MED13: variants seen among roughly 807,000 people sequenced by gnomAD.
The protein encoded by MED13 is mediator complex subunit 13.
MED13 carries 23 observed loss-of-function variants against 225.2 expected under a neutral mutation model. The observed-to-expected ratio is 0.10, with a 90% CI of 0.07 to 0.14. The LOEUF (loss-of-function observed/expected upper bound fraction) is 0.14, where lower values mean the gene tolerates loss of function less well. Among genes scored for constraint, MED13 ranks in the 10% least tolerant of loss-of-function variants. MED13 has a pLI of 1.00. For synonymous variants in MED13, 942 were observed against 889.2 expected, an observed-to-expected ratio of 1.06 and a Z score of -1.06; for missense variants, 2,197 against 2,594.5, an observed-to-expected ratio of 0.85 and a Z score of 3.33.
At chr17:62,004,949 G>C (rs1567971804) in intron 9 of MED13, 2 of 150,516 alleles carry the variant, frequency 1.3e-5, no homozygotes, top group East Asian at 3.9e-4. Context: ...GCCCAGGCTG[G>C]AGTGCAGTGG....
chr17:61,952,479 A>C (rs1259065501), intron 27 of MED13, among the ~76,000 whole-genome samples: 1 of 152,052 alleles, frequency 6.6e-6, no homozygotes, highest in Non-Finnish European at 1.5e-5. Context: ...CAAAAACTAC[A>C]AAAAAATGAC....
At chr17:62,048,993 A>C (rs1176266261) in intron 3 of MED13, among the ~76,000 whole-genome samples, 2 of 151,418 alleles carry the variant, frequency 1.3e-5, no homozygotes, top group Non-Finnish European at 2.9e-5. Flanking sequence ...CAGAATTCCA[A>C]CACAGAGGAT....
At chr17:61,980,560 A>G (rs923908774) in intron 16 of MED13, among the ~76,000 whole-genome samples, 5 of 152,178 alleles carry the variant, frequency 3.3e-5, no homozygotes, top group Non-Finnish European at 5.9e-5. Flanking sequence ...ATCTTTCCTT[A>G]CACGTCTTTT....
At chr17:62,015,705 C>T (rs1603402697) in intron 8 of MED13, among the ~76,000 whole-genome samples, 1 of 148,702 alleles carries the variant, frequency 6.7e-6, no homozygotes, top group East Asian at 2.0e-4. Flanking sequence ...TCCCGAGTAG[C>T]TGGGATTACA....
chr17:62,012,978 A>C (rs1164008073), intron 8 of MED13, among the ~76,000 whole-genome samples: 1 of 151,994 alleles, frequency 6.6e-6, no homozygotes, highest in Non-Finnish European at 1.5e-5. Flanking sequence ...TTTTTAGTAG[A>C]GACGGGGTTT....
chr17:61,953,222 A>G, intron 26 of MED13, 109 bp from the exon 27 acceptor site: 1 of 1,074,118 alleles, frequency 9.3e-7, no homozygotes. Flanking sequence ...GGTTAATTTA[A>G]CCAACATTTA....
chr17:61,952,129 G>A (rs1463350506), intron 27 of MED13, among the ~76,000 whole-genome samples: 2 of 151,938 alleles, frequency 1.3e-5, no homozygotes, highest in African/African-American at 2.4e-5. Flanking sequence ...TCCTGACCTC[G>A]TGATCCGCCT....
At chr17:62,016,133 A>G (rs1305496127) in intron 8 of MED13, among the ~76,000 whole-genome samples, 2 of 144,798 alleles carry the variant, frequency 1.4e-5, no homozygotes, top group Admixed American at 6.9e-5. Context: ...TTTTTTTTTT[A>G]AACACAGAAA....
chr17:62,044,164 T>C (rs1054695838), intron 3 of MED13, among the ~76,000 whole-genome samples: 2 of 152,050 alleles, frequency 1.3e-5, no homozygotes, highest in Non-Finnish European at 2.9e-5. Context: ...GTAAAAGCCA[T>C]ACATATGGCA....
At chr17:62,019,100 ACT>A (rs1212758693) in intron 8 of MED13, among the ~76,000 whole-genome samples, 1 of 152,082 alleles carries the variant, frequency 6.6e-6, no homozygotes, top group Non-Finnish European at 1.5e-5. Context: ...TTATTAAAAT[ACT>A]CTCTTCCCTT....
chr17:62,052,661 G>A lies in MED13; in HGVS notation c.346C>T (p.Arg116Cys), dbSNP rs1247045602. Reference sequence around the variant, plus strand: ...TGAACTGCTTTGAAAAGCAGAGTACGGCATTCATAGGAAAGTCCATTCTCC... The same window carrying A: ...TGAACTGCTTTGAAAAGCAGAGTACAGCATTCATAGGAAAGTCCATTCTCC... ...VWENGLSYECRTLLFKAVHNL... is the reference protein window; with the variant it reads ...VWENGLSYECCTLLFKAVHNL... The change falls in exon 3 of 30, where the codon CGT becomes TGT. Residue 116 changes from arginine to cysteine, a missense_variant. By Grantham distance (180) the Arg-to-Cys change is radical. Transcript: ENST00000397786. The A allele has an allele frequency of 6.3e-6, 10 of 1,591,564 alleles. No homozygotes were observed. The highest frequency in any genetic ancestry group is 8.6e-6 in the Non-Finnish European group (10 of 1,168,002).
At chr17:62,013,106 A>G (rs1235896459) in intron 8 of MED13, among the ~76,000 whole-genome samples, 1 of 152,092 alleles carries the variant, frequency 6.6e-6, no homozygotes, top group East Asian at 1.9e-4. Flanking sequence ...ACCTTTTTGT[A>G]CAGAGCCTGA....
At chr17:61,964,909 C>T (rs947476476) in intron 20 of MED13, 97 bp downstream of exon 20, 22 of 1,176,370 alleles carry the variant, frequency 1.9e-5, no homozygotes, top group African/African-American at 3.1e-5. Flanking sequence ...GCAGTACAGC[C>T]TGCGCAAAAG....
intron 10 of MED13, among the ~76,000 whole-genome samples, chr17:61,993,196 C>CTTTTTTT (rs1267367816): frequency 4.7e-5 from 6 of 127,422 alleles, no homozygotes; most frequent in Admixed American, 7.8e-5. Context: ...TTCTTTCTTT[C>CTTTTTTT]TTTCTTTTTT....
chr17:62,020,231 CT>C (rs202093070), intron 8 of MED13, among the ~76,000 whole-genome samples: 27,496 of 146,268 alleles, frequency 0.19, 2,853 homozygotes, highest in East Asian at 0.51. Flanking sequence ...AGCAGCCTTT[CT>C]TTTTTTTTTT....
intron 26 of MED13, 103 bp from the exon 27 acceptor site, chr17:61,953,216 A>G (rs1293545050): frequency 4.3e-6 from 5 of 1,169,774 alleles, no homozygotes; most frequent in Non-Finnish European, 3.5e-6. Context: ...AAAATGGGTT[A>G]ATTTAACCAA....
intron 25 of MED13, 46 bp from the exon 26 acceptor site, chr17:61,955,613 T>C (rs2079936155): frequency 1.3e-6 from 2 of 1,544,242 alleles, no homozygotes; most frequent in Non-Finnish European, 1.7e-6. Context: ...AAGAATAAAT[T>C]GTATATAATA....
intron 9 of MED13, chr17:62,003,657 T>C (rs1472773196): frequency 7.0e-6 from 1 of 142,826 alleles, no homozygotes; most frequent in Non-Finnish European, 1.5e-5. Context: ...CACATTTCAG[T>C]AACTAGTATA....
chr17:61,987,340 C>A (rs774754748), intron 11 of MED13, among the ~76,000 whole-genome samples: 1 of 151,872 alleles, frequency 6.6e-6, no homozygotes, highest in African/African-American at 2.4e-5. Flanking sequence ...GAGGATGAGA[C>A]GGAGAACTGC....
Sources: gnomAD v4.1 joint callset for allele counts (sites outside exome capture counted in the v4.1 genomes callset) on GRCh38, gnomAD v4.1.1 for gene constraint, MANE v1.5 for transcripts, NCBI Gene and HGNC (gene_info 2026-07-23, HGNC 2026-07-21) for gene names.